The following SLC8A2 variants were observed in gnomAD, a reference collection of about 807,000 sequenced individuals.
The protein encoded by SLC8A2 is solute carrier family 8 member A2.
SLC8A2 carries 14 observed loss-of-function variants against 70.2 expected under a neutral mutation model. The ratio of observed to expected loss-of-function variants is 0.20; its 90% CI spans 0.13 to 0.31. The LOEUF is 0.31. Among genes scored for constraint, SLC8A2 ranks in the 10% least tolerant of loss-of-function variants. The probability of loss-of-function intolerance (pLI) is 1.00; values close to 1 mark genes in which losing one functional copy is unlikely to be tolerated. For missense variants in SLC8A2, 779 were observed against 1,320.1 expected, an observed-to-expected ratio of 0.59 and a Z score of 6.35; for synonymous variants, 575 against 594.3, an observed-to-expected ratio of 0.97 and a Z score of 0.47.
chr19:47,438,942 T>C (rs1280206599), intron 6 of SLC8A2, among the ~76,000 whole-genome samples: 1 of 152,194 alleles, frequency 6.6e-6, no homozygotes, highest in East Asian at 1.9e-4. Context: ...CACCTGAACC[T>C]GTTTCCTCTC....
Position 47,429,184 on chromosome 19 carries a change from C to T in SLC8A2, c.*905G>A, listed in dbSNP as rs1446977223. 6.6e-6 allele frequency: 1 copy of T among 152,650 alleles called. No homozygotes were observed. Among genetic ancestry groups the T allele is most frequent in the African/African-American group, 2.4e-5 (1 of 41,420 alleles). The allele number at this position is 152,650 out of a possible 1,614,324, so 9.5% of individuals were successfully genotyped here. The stretch of plus-strand genomic sequence containing the variant: ...AACTGGACTCGCTTTGATTCCCGGC[C>T]TCCTCCCCAAAGCTGGTTCTCATGG... On this transcript the variant is annotated 3_prime_UTR_variant, in exon 10 of 10. Coordinates refer to ENST00000236877, the MANE Select transcript of SLC8A2 (RefSeq NM_015063.3).
chr19:47,444,291 C>A (rs1007255091), intron 4 of SLC8A2, among the ~76,000 whole-genome samples: 1 of 152,038 alleles, frequency 6.6e-6, no homozygotes, highest in Non-Finnish European at 1.5e-5. Context: ...AGAAGAGTTT[C>A]AATCAGGCAG....
In SLC8A2 at chr19:47,466,083, G is replaced by A; in HGVS notation, c.321C>T (p.Ile107=). 1 of 1,614,188 alleles carries A rather than the reference G, an allele frequency of 6.2e-7. No homozygotes were observed. The highest frequency in any genetic ancestry group is 8.5e-7 in the Non-Finnish European group (1 of 1,180,024). ...TCTCACCGTTGGCCTTGGTGATGGT[G>A]ATCTCCTTCTCTTTTGACGTGATGA... ...IEVITSKEKE[I]TITKANGETS... The change falls in exon 2 of 10, where the codon ATC becomes ATT. Residue 107 remains isoleucine, a synonymous_variant. Coordinates refer to ENST00000236877, the MANE Select transcript of SLC8A2 (RefSeq NM_015063.3). The surrounding 1 kb of genome is among the most constrained non-coding windows in gnomAD (Gnocchi z 6.9).
chr19:47,439,104 C>G (rs1967066833), intron 6 of SLC8A2, among the ~76,000 whole-genome samples: 1 of 151,224 alleles, frequency 6.6e-6, no homozygotes, highest in Non-Finnish European at 1.5e-5. Flanking sequence ...AGCCTCGAAA[C>G]TCTCTTGCCC....
intron 3 of SLC8A2, among the ~76,000 whole-genome samples, chr19:47,449,227 A>T (rs1324946043): frequency 6.6e-6 from 1 of 152,076 alleles, no homozygotes; most frequent in Admixed American, 6.6e-5. Context: ...TGGCATGGTC[A>T]AGAAAGCCTT....
chr19:47,461,145 A>AC (rs906826195), intron 2 of SLC8A2, among the ~76,000 whole-genome samples: 1 of 151,088 alleles, frequency 6.6e-6, no homozygotes, highest in Admixed American at 6.6e-5. Context: ...AGCTGAGATC[A>AC]CCCCACTGCA....
chr19:47,444,904 T>A (rs1305138200), intron 4 of SLC8A2, among the ~76,000 whole-genome samples: 4 of 152,124 alleles, frequency 2.6e-5, no homozygotes, highest in Non-Finnish European at 4.4e-5. Context: ...AGTCTCCTCA[T>A]CCTGTCTCTC....
intron 7 of SLC8A2, 108 bp from the exon 8 acceptor site, chr19:47,437,669 C>T (rs1967047497): frequency 4.3e-6 from 5 of 1,157,674 alleles, no homozygotes; most frequent in Non-Finnish European, 6.4e-6. Flanking sequence ...GGGTCCTCAA[C>T]TTTCCACACC....
intron 3 of SLC8A2, among the ~76,000 whole-genome samples, chr19:47,450,942 G>A (rs1041266075): frequency 2.6e-5 from 4 of 151,878 alleles, no homozygotes; most frequent in African/African-American, 2.4e-5. Flanking sequence ...AAAGTCATGG[G>A]ATATGAGACA....
intron 6 of SLC8A2, among the ~76,000 whole-genome samples, chr19:47,440,057 A>G (rs1318981972): frequency 5.3e-5 from 8 of 152,118 alleles, no homozygotes; most frequent in Non-Finnish European, 1.2e-4. Flanking sequence ...ACAATCTTTA[A>G]TCTAACTCTA....
chr19:47,444,240 A>C (rs1967132240), intron 4 of SLC8A2, among the ~76,000 whole-genome samples: 1 of 151,872 alleles, frequency 6.6e-6, no homozygotes, highest in African/African-American at 2.4e-5. Context: ...TGTCTTTCAG[A>C]GTCTAAAGAA....
chr19:47,453,386 A>C (rs1466209679), intron 3 of SLC8A2, among the ~76,000 whole-genome samples: 1 of 152,242 alleles, frequency 6.6e-6, no homozygotes, highest in East Asian at 1.9e-4. Context: ...CTGCCTGCTC[A>C]GACTGAGGCA....
chr19:47,458,632 CTCTT>C (rs1967348581), intron 2 of SLC8A2, among the ~76,000 whole-genome samples: 3 of 135,636 alleles, frequency 2.2e-5, no homozygotes, highest in East Asian at 5.0e-4. Context: ...TTCCCCCCAT[CTCTT>C]TCTATCTCTG....
intron 2 of SLC8A2, among the ~76,000 whole-genome samples, chr19:47,462,333 C>T (rs932150386): frequency 1.6e-4 from 24 of 152,246 alleles, no homozygotes; most frequent in African/African-American, 5.5e-4. Context: ...GGTGCAATCT[C>T]GGCTTACCGC....
At chr19:47,446,169 T>C (rs1278991281) in intron 4 of SLC8A2, among the ~76,000 whole-genome samples, 2 of 146,324 alleles carry the variant, frequency 1.4e-5, no homozygotes, top group African/African-American at 5.1e-5. Flanking sequence ...GGGAGCGCGG[T>C]GGGGACTCCG....
At chr19:47,446,123 G>A (rs1421518323) in intron 4 of SLC8A2, among the ~76,000 whole-genome samples, 2 of 152,148 alleles carry the variant, frequency 1.3e-5, no homozygotes, top group Admixed American at 6.5e-5. Context: ...AGTGCTGCCC[G>A]AGGCGGAAGC....
intron 2 of SLC8A2, among the ~76,000 whole-genome samples, chr19:47,463,936 C>A (rs1158663723): frequency 6.6e-6 from 1 of 152,112 alleles, no homozygotes; most frequent in Non-Finnish European, 1.5e-5. Flanking sequence ...AGATAAGGAA[C>A]CTGCCCTAGG....
In SLC8A2 at chr19:47,432,498, A is replaced by G. The variant is rs115824416; in HGVS notation, c.2111-53T>C. On this transcript the variant is annotated intron_variant, in intron 8 of 9. Transcript: ENST00000236877. The surrounding 1 kb of genome is among the most constrained non-coding windows in gnomAD (Gnocchi z 6.2). ...TACACTCAGACTTCCTTCCTTGCCTACAGAGGCCCCATTTTGTCTAACTTC... is the reference window on the plus strand; with the variant it reads ...TACACTCAGACTTCCTTCCTTGCCTGCAGAGGCCCCATTTTGTCTAACTTC... 8.3e-4 allele frequency: 1,240 copies of G among 1,497,616 alleles called. 11 individuals carry two copies. In the African/African-American group the frequency reaches 0.014, roughly 17 times the overall value. The allele number at this position is 1,497,616 out of a possible 1,614,324, so 92.8% of individuals were successfully genotyped here. A position where few individuals can be genotyped will look rare whatever the true frequency, so the allele number is the denominator to read the frequency against.
At chr19:47,442,394 G>A (rs911935804) in intron 4 of SLC8A2, among the ~76,000 whole-genome samples, 1 of 152,190 alleles carries the variant, frequency 6.6e-6, no homozygotes, top group African/African-American at 2.4e-5. Flanking sequence ...CAGAATGAAA[G>A]TCAAAGTCCT....
Sources: allele counts gnomAD v4.1 joint callset (sites outside exome capture counted in the v4.1 genomes callset), GRCh38; gene constraint gnomAD v4.1.1; non-coding constraint Gnocchi (gnomAD v3.1); transcripts MANE v1.5; gene names NCBI Gene and HGNC (gene_info 2026-07-23, HGNC 2026-07-21).